The following MTAP variants were observed in gnomAD, a reference collection of about 807,000 sequenced individuals.
MTAP encodes methylthioadenosine phosphorylase.
MTAP carries 33 observed loss-of-function variants against 33.6 expected under a neutral mutation model. The observed-to-expected ratio is 0.98, with a 90% confidence interval of 0.74 to 1.31. The LOEUF (loss-of-function observed/expected upper bound fraction) is 1.31, where lower values mean the gene tolerates loss of function less well. Among genes scored for constraint, MTAP ranks in the 40% most tolerant of loss-of-function variants. The pLI is 0.00. For missense variants in MTAP, 367 were observed against 360.0 expected (o/e 1.02, Z -0.16); for synonymous variants, 148 against 125.7 (o/e 1.18, Z -1.19).
At position 21,865,336 on chromosome 9, in the gene MTAP, G is replaced by A; in HGVS notation, c.*3322G>A. 7.2e-6 allele frequency: 5 copies of A among 691,132 alleles called. No individual in the cohort carries two copies. Among genetic ancestry groups the A allele is most frequent in the Non-Finnish European group, 8.9e-6 (5 of 561,582 alleles). 42.8% of individuals were successfully genotyped at this position (691,132 alleles called of 1,614,324 possible). A position where few individuals can be genotyped will look rare whatever the true frequency, so the allele number is the denominator to read the frequency against. Reference sequence around the variant, plus strand: ...CTTCTGCCACGATTGTAAGTTTCCTGAGGCCTTCCCAGCTATGTGGAACTG... The same window carrying A: ...CTTCTGCCACGATTGTAAGTTTCCTAAGGCCTTCCCAGCTATGTGGAACTG... On this transcript the variant is annotated 3_prime_UTR_variant, in exon 8 of 8. Coordinates refer to ENST00000644715, the MANE Select transcript of MTAP (RefSeq NM_002451.4).
intron 5 of MTAP, among the ~76,000 whole-genome samples, chr9:21,838,905 G>A (rs905804483): frequency 7.9e-5 from 12 of 152,168 alleles, no homozygotes; most frequent in African/African-American, 2.7e-4. Flanking sequence ...ACCTAAACAC[G>A]TTAGTTATTC....
intron 7 of MTAP, chr9:21,861,209 T>C (rs958069398): frequency 1.3e-5 from 2 of 152,314 alleles, no homozygotes; most frequent in East Asian, 1.9e-4. Context: ...GTGTTCTCCT[T>C]TCCTGGAGCT....
chr9:21,894,600 G>A (rs1315450864), intron 1 of MTAP, among the ~76,000 whole-genome samples: 1 of 122,386 alleles, frequency 8.2e-6, no homozygotes. Context: ...CCTGTTGTGG[G>A]GTGGGGGGTG....
At chr9:21,890,142 G>C (rs991124830) in intron 1 of MTAP, among the ~76,000 whole-genome samples, 1 of 151,976 alleles carries the variant, frequency 6.6e-6, no homozygotes, top group African/African-American at 2.4e-5. Context: ...GATGGGGTAT[G>C]GTTCTTAAGC....
intron 7 of MTAP, 23 bp from the exon 8 acceptor site, chr9:21,861,953 A>T (rs1220205399): frequency 1.4e-5 from 19 of 1,330,968 alleles, no homozygotes; most frequent in Non-Finnish European, 2.0e-5. Flanking sequence ...TGTGAATATC[A>T]CTGCCTCCTT....
At chr9:21,859,074 C>T (rs1045193821) in intron 6 of MTAP, 6 of 401,220 alleles carry the variant, frequency 1.5e-5, no homozygotes, top group African/African-American at 1.0e-4. Flanking sequence ...GCACTGGGGC[C>T]TCTTTTGTAA....
intron 4 of MTAP, among the ~76,000 whole-genome samples, chr9:21,837,213 T>C (rs529690778): frequency 6.6e-6 from 1 of 152,182 alleles, no homozygotes; most frequent in South Asian, 2.1e-4. Context: ...ACAATCTAAA[T>C]GAGGCAGCGA....
rs1134872 is a variant in MTAP, at chr9:21,862,918, T to C, written c.*904T>C. On this transcript the variant is annotated 3_prime_UTR_variant, in exon 8 of 8. Transcript: ENST00000644715. ...TGAATTTAATCAAATAGTAAAGTTG[T>C]TGTAAAAATAAAAGTGGATTTAGAA... 4 of 970,088 alleles carry C rather than the reference T, an allele frequency of 4.1e-6. No individual in the cohort carries two copies. The South Asian group carries it at 1.4e-4, about 35-fold the overall frequency. 60.1% of individuals were successfully genotyped at this position (970,088 alleles called of 1,614,324 possible).
In MTAP at chr9:21,865,213, G is replaced by C. The variant is rs1231382194; in HGVS notation, c.*3199G>C. ...CCCACACTGCTGTTCTCATGATACTGAGTTCTCACAAGTCCTGTTTGTTTT... is the reference window on the plus strand; with the variant it reads ...CCCACACTGCTGTTCTCATGATACTCAGTTCTCACAAGTCCTGTTTGTTTT... On this transcript the variant is annotated 3_prime_UTR_variant, in exon 8 of 8. Coordinates refer to ENST00000644715, the MANE Select transcript of MTAP (RefSeq NM_002451.4). 5.4e-6 allele frequency: 3 copies of C among 559,386 alleles called. No homozygotes were observed. The highest frequency in any genetic ancestry group is 6.8e-6 in the Non-Finnish European group (3 of 441,078). 34.7% of individuals were successfully genotyped at this position (559,386 alleles called of 1,614,324 possible). A position where few individuals can be genotyped will look rare whatever the true frequency, so the allele number is the denominator to read the frequency against.
rs913534863 is a variant in MTAP, at chr9:21,859,324, A to G, written c.712A>G (p.Lys238Glu). ...EEAVSVDRVL[K>E]TLKENANKAK... is the part of the protein sequence containing the mutation. ...CTAGGTTTCGGTGGACCGGGTCTTA[A>G]AGACCCTGAAAGAAAACGCTAATAA... Residue 238 changes from lysine (K) to glutamate (E), a missense_variant, in exon 7 of 8, where the codon AAG becomes GAG. Physicochemically the swap from Lys to Glu is moderately conservative, Grantham distance 56 (BLOSUM62 1). Transcript: ENST00000644715. 1.2e-6 allele frequency: 2 copies of G among 1,613,062 alleles called. No individual in the cohort carries two copies. The highest frequency in any genetic ancestry group is 1.7e-6 in the Non-Finnish European group (2 of 1,179,606).
chr9:21,848,383 A>C (rs2118442435), intron 5 of MTAP, among the ~76,000 whole-genome samples: 1 of 151,508 alleles, frequency 6.6e-6, no homozygotes, highest in South Asian at 2.1e-4. Context: ...GGTGTGGGAT[A>C]ATGGTGGAAG....
intron 1 of MTAP, among the ~76,000 whole-genome samples, chr9:21,918,170 G>A (rs1426633981): frequency 6.9e-6 from 1 of 144,894 alleles, no homozygotes; most frequent in African/African-American, 2.8e-5. Context: ...CTAAAACGGT[G>A]AAACCCCGTC....
rs1825787359 is a variant in MTAP at position 21,863,196 on chromosome 9, G to A, written c.*1182G>A. On this transcript the variant is annotated 3_prime_UTR_variant, in exon 8 of 8. Transcript: ENST00000644715. The stretch of plus-strand genomic sequence containing the variant: ...TTTATGGTATCTGATATTTTAAAAA[G>A]TAATGTTTGATTCTCCTTTTTATGA... The A allele has an allele frequency of 3.1e-6, 3 of 965,310 alleles. No individual in the cohort carries two copies. The highest frequency in any genetic ancestry group is 3.7e-6 in the Non-Finnish European group (3 of 811,726). The allele number at this position is 965,310 out of a possible 1,614,324, so 59.8% of individuals were successfully genotyped here. A position where few individuals can be genotyped will look rare whatever the true frequency, so the allele number is the denominator to read the frequency against.
chr9:21,860,658 T>A (rs1343517001), intron 7 of MTAP: 1 of 152,222 alleles, frequency 6.6e-6, no homozygotes, highest in Non-Finnish European at 1.5e-5. Context: ...AACTGGAGCT[T>A]GCATAAAAAA....
At chr9:21,843,248 C>G (rs979778969) in intron 5 of MTAP, among the ~76,000 whole-genome samples, 6 of 152,236 alleles carry the variant, frequency 3.9e-5, no homozygotes, top group East Asian at 1.9e-4. Flanking sequence ...AACACTTGAG[C>G]TCCCAAATAT....
intron 5 of MTAP, among the ~76,000 whole-genome samples, chr9:21,844,566 T>A (rs1200663001): frequency 2.0e-5 from 3 of 152,214 alleles, no homozygotes; most frequent in Non-Finnish European, 2.9e-5. Context: ...GATGAAGGGA[T>A]GGTTTAACAT....
intron 3 of MTAP, 77 bp from the exon 4 acceptor site, chr9:21,817,958 A>AT: frequency 7.2e-7 from 1 of 1,398,584 alleles, no homozygotes; most frequent in Non-Finnish European, 9.5e-7. Context: ...GAATCACTTA[A>AT]TTTTTTCTAG....
At chr9:21,814,071 T>G (rs888892340) in intron 1 of MTAP, among the ~76,000 whole-genome samples, 1 of 152,234 alleles carries the variant, frequency 6.6e-6, no homozygotes, top group Non-Finnish European at 1.5e-5. Flanking sequence ...AAAGCCTGGC[T>G]TTGCCACTTA....
intron 1 of MTAP, among the ~76,000 whole-genome samples, chr9:21,921,549 C>G (rs1445402826): frequency 6.6e-6 from 1 of 152,066 alleles, no homozygotes; most frequent in Non-Finnish European, 1.5e-5. Flanking sequence ...TTAACCTAGA[C>G]AAAACTGTTC....
Sources: gnomAD v4.1 joint callset for allele counts (sites outside exome capture counted in the v4.1 genomes callset) on GRCh38, gnomAD v4.1.1 for gene constraint, MANE v1.5 for transcripts, NCBI Gene and HGNC (gene_info 2026-07-23, HGNC 2026-07-21) for gene names.